The following CDK5RAP1 variants were observed in gnomAD, a reference collection of about 807,000 sequenced individuals.
CDK5RAP1 encodes the protein mitochondrial tRNA methylthiotransferase CDK5RAP1.
Under a neutral mutation model 64.5 loss-of-function variants are expected in CDK5RAP1, and 62 were observed. The observed-to-expected ratio is 0.96, with a 90% confidence interval of 0.78 to 1.19. The LOEUF (loss-of-function observed/expected upper bound fraction) is 1.19, where lower values mean the gene tolerates loss of function less well. Among genes scored for constraint, CDK5RAP1 ranks in the 50% most tolerant of loss-of-function variants. CDK5RAP1 has a pLI of 0.00. For missense variants in CDK5RAP1, 657 were observed against 735.0 expected, an observed-to-expected ratio of 0.89 and a Z score of 1.23; for synonymous variants, 250 against 261.9, an observed-to-expected ratio of 0.95 and a Z score of 0.44.
In CDK5RAP1 at chr20:33,379,696, A is replaced by G; in HGVS notation, c.877-5T>C. On this transcript the variant is annotated splice_region_variant and splice_polypyrimidine_tract_variant and intron_variant, in intron 7 of 13. Coordinates refer to ENST00000346416, the MANE Select transcript of CDK5RAP1 (RefSeq NM_016408.4). ...AAGTGTCACTTCTTTCAGCCCCTAA[A>G]CATGGGAAAATATATTGGAATTTTA... 1 of 1,602,150 alleles carries G rather than the reference A, an allele frequency of 6.2e-7. No homozygotes were observed. Among genetic ancestry groups the G allele is most frequent in the Non-Finnish European group, 8.5e-7 (1 of 1,169,944 alleles).
At chr20:33,361,885 G>A (rs1187838044) in intron 12 of CDK5RAP1, among the ~76,000 whole-genome samples, 1 of 150,522 alleles carries the variant, frequency 6.6e-6, no homozygotes, top group Admixed American at 6.7e-5. Flanking sequence ...AAACCTGGGA[G>A]GCAGAGGTTG....
intron 11 of CDK5RAP1, among the ~76,000 whole-genome samples, chr20:33,369,532 G>A (rs1984639497): frequency 6.6e-6 from 1 of 151,916 alleles, no homozygotes; most frequent in South Asian, 2.1e-4. Context: ...CTCCTCTGAA[G>A]CTTCATCTCT....
chr20:33,384,861 C>T (rs1312306285), intron 7 of CDK5RAP1, among the ~76,000 whole-genome samples: 4 of 152,136 alleles, frequency 2.6e-5, no homozygotes, highest in African/African-American at 9.7e-5. Flanking sequence ...CTGACCACAC[C>T]ACTGTACTCC....
At chr20:33,359,785 A>C (rs1321773474) in intron 13 of CDK5RAP1, 1 of 155,486 alleles carries the variant, frequency 6.4e-6, no homozygotes, top group African/African-American at 2.4e-5. Flanking sequence ...CAAGACAGGG[A>C]AGGTGGCAGT....
intron 5 of CDK5RAP1, 65 bp downstream of exon 5, chr20:33,392,077 C>G (rs531891600): frequency 8.1e-5 from 80 of 987,048 alleles, no homozygotes; most frequent in Non-Finnish European, 1.2e-4. Context: ...AAAGGAAACA[C>G]TAGCAAATAA....
intron 8 of CDK5RAP1, among the ~76,000 whole-genome samples, chr20:33,376,345 T>A (rs1218700368): frequency 6.6e-6 from 1 of 151,878 alleles, no homozygotes; most frequent in Non-Finnish European, 1.5e-5. Context: ...AAAATAAAAA[T>A]AAAAAATAAA....
chr20:33,399,342 T>A (rs1361881588), intron 1 of CDK5RAP1, among the ~76,000 whole-genome samples: 1 of 152,168 alleles, frequency 6.6e-6, no homozygotes, highest in African/African-American at 2.4e-5. Context: ...TTCTCTCTAG[T>A]GGCCTATGGT....
intron 1 of CDK5RAP1, among the ~76,000 whole-genome samples, chr20:33,398,386 C>T (rs902824263): frequency 1.3e-5 from 2 of 151,936 alleles, no homozygotes; most frequent in African/African-American, 2.4e-5. Context: ...CTAAGATACC[C>T]GGGAGACTGA....
chr20:33,368,929 G>A (rs1001340751), intron 11 of CDK5RAP1, among the ~76,000 whole-genome samples: 2 of 151,022 alleles, frequency 1.3e-5, no homozygotes, highest in South Asian at 2.1e-4. Context: ...TCACAAGGTC[G>A]AGAGATCAAG....
intron 7 of CDK5RAP1, among the ~76,000 whole-genome samples, chr20:33,383,809 G>C (rs1031718050): frequency 3.1e-5 from 3 of 97,104 alleles, no homozygotes; most frequent in Non-Finnish European, 5.1e-5. Flanking sequence ...CTACTCAGGA[G>C]GATAAGGCAG....
intron 3 of CDK5RAP1, 150 bp from the exon 4 acceptor site, chr20:33,394,216 G>C: frequency 1.8e-6 from 1 of 556,358 alleles, no homozygotes; most frequent in Non-Finnish European, 3.2e-6. Context: ...CTGGAGTGCA[G>C]TGGGGCAATC....
At chr20:33,372,584 C>T (rs1424329296) in intron 10 of CDK5RAP1, 58 bp downstream of exon 10, 1 of 921,170 alleles carries the variant, frequency 1.1e-6, no homozygotes, top group African/African-American at 1.7e-5. Context: ...TGTATCTAAC[C>T]ACAAGGCTGG....
chr20:33,398,052 C>T (rs1240301705), intron 1 of CDK5RAP1, among the ~76,000 whole-genome samples: 1 of 152,180 alleles, frequency 6.6e-6, no homozygotes, highest in African/African-American at 2.4e-5. Flanking sequence ...GACCCTCTCA[C>T]ACTTGGCTTA....
At chr20:33,394,381 A>C (rs536471799) in intron 3 of CDK5RAP1, among the ~76,000 whole-genome samples, 1 of 151,770 alleles carries the variant, frequency 6.6e-6, no homozygotes, top group South Asian at 2.1e-4. Flanking sequence ...CGAACTCCTG[A>C]CCTCAAGTGA....
At chr20:33,380,556 C>T (rs1986619311) in intron 7 of CDK5RAP1, among the ~76,000 whole-genome samples, 1 of 152,102 alleles carries the variant, frequency 6.6e-6, no homozygotes, top group African/African-American at 2.4e-5. Context: ...AAGATACATA[C>T]TGAAGTATCT....
chr20:33,364,716 A>C (rs1983572325), intron 12 of CDK5RAP1, among the ~76,000 whole-genome samples: 1 of 151,838 alleles, frequency 6.6e-6, no homozygotes, highest in Non-Finnish European at 1.5e-5. Context: ...CTGGGATTAC[A>C]GGCATGTGCC....
chr20:33,384,365 G>A (rs538016101), intron 7 of CDK5RAP1, among the ~76,000 whole-genome samples: 1 of 152,234 alleles, frequency 6.6e-6, no homozygotes, highest in Non-Finnish European at 1.5e-5. Context: ...CACCATCTCA[G>A]TCTATTTAAA....
chr20:33,359,451 A>T, intron 13 of CDK5RAP1: 1 of 250,150 alleles, frequency 4.0e-6, no homozygotes, highest in Non-Finnish European at 7.7e-6. Context: ...AGGCTGATCC[A>T]GTCAAATCCT....
chr20:33,386,277 T>C (rs1014669808), intron 6 of CDK5RAP1, among the ~76,000 whole-genome samples: 2 of 152,170 alleles, frequency 1.3e-5, no homozygotes, highest in Non-Finnish European at 2.9e-5. Flanking sequence ...TTGGCCACGA[T>C]GGTCTCGATC....
Sources: gnomAD v4.1 joint callset for allele counts (sites outside exome capture counted in the v4.1 genomes callset) on GRCh38, gnomAD v4.1.1 for gene constraint, MANE v1.5 for transcripts, NCBI Gene and HGNC (gene_info 2026-07-23, HGNC 2026-07-21) for gene names.